The following MEIS3 variants were observed in gnomAD, a reference collection of about 807,000 sequenced individuals.
The protein encoded by MEIS3 is homeobox protein Meis3.
A neutral mutation model predicts 51.4 loss-of-function variants in MEIS3; 38 were observed. That is an observed-to-expected ratio of 0.74 (90% CI 0.57 to 0.97). MEIS3 has a LOEUF of 0.97. Among genes scored for constraint, MEIS3 ranks in the 50% least tolerant of loss-of-function variants. MEIS3 has a pLI of 0.00. For synonymous variants in MEIS3, 198 were observed against 201.8 expected, an observed-to-expected ratio of 0.98 and a Z score of 0.16; for missense variants, 456 against 502.6, an observed-to-expected ratio of 0.91 and a Z score of 0.89.
At chr19:47,420,941 C>CTCTA (rs1971693954), upstream of MEIS3, among the ~76,000 whole-genome samples, 1 of 51,814 alleles carries the variant, frequency 1.9e-5, no homozygotes, top group Admixed American at 1.6e-4. Flanking sequence ...CACACACACA[C>CTCTA]TCTCTCTCTC....
At chr19:47,407,173 A>T in intron 9 of MEIS3, 36 bp from the exon 10 acceptor site, 1 of 1,595,602 alleles carries the variant, frequency 6.3e-7, no homozygotes, top group Non-Finnish European at 8.5e-7. Context: ...GGGAATGAAA[A>T]GAGGGAGTGG....
At chr19:47,420,956 T>A (rs1309341600), upstream of MEIS3, among the ~76,000 whole-genome samples, 5 of 139,300 alleles carry the variant, frequency 3.6e-5, no homozygotes, top group South Asian at 2.4e-4. Context: ...TCTCTCTCTC[T>A]CTCTCTCTCT....
intron 1 of MEIS3, chr19:47,418,792 G>T: frequency 2.8e-6 from 1 of 360,246 alleles, no homozygotes; most frequent in Admixed American, 4.7e-5. Flanking sequence ...GCAGAAAGGA[G>T]GAGGAGAGTG....
At chr19:47,419,767 C>T (rs1285053017), upstream of MEIS3, among the ~76,000 whole-genome samples, 1 of 151,770 alleles carries the variant, frequency 6.6e-6, no homozygotes, top group Non-Finnish European at 1.5e-5. Flanking sequence ...CAGTCTCCCT[C>T]TTTCCCAGTC....
upstream of MEIS3, among the ~76,000 whole-genome samples, chr19:47,421,878 C>G (rs62130536): frequency 1.3e-4 from 19 of 151,846 alleles, no homozygotes; most frequent in Non-Finnish European, 2.2e-4. Flanking sequence ...TCCCTCCTTC[C>G]TCTCCCTCTC....
chr19:47,406,652 G>T, intron 11 of MEIS3, 126 bp from the exon 12 acceptor site: 3 of 1,003,242 alleles, frequency 3.0e-6, no homozygotes, highest in Admixed American at 2.3e-5. Flanking sequence ...TCATAAGAAG[G>T]TGCTGGCCCT....
chr19:47,420,975 T>TCCC (rs1568434398), upstream of MEIS3, among the ~76,000 whole-genome samples: 1 of 79,116 alleles, frequency 1.3e-5, no homozygotes, highest in African/African-American at 5.5e-5. Flanking sequence ...CTCTCTCTCT[T>TCCC]CCTGGCTGTC....
rs1599798152 is a variant in MEIS3 at position 47,406,458 on chromosome 19, A to G, written c.*17+2T>C. 3 of 1,612,410 alleles carry G rather than the reference A, an allele frequency of 1.9e-6. No homozygotes were observed. The highest frequency in any genetic ancestry group is 2.7e-5 in the African/African-American group (2 of 74,836). ...CAATCCCCAGCCCTTAGACCCTCAC[A>G]CCTCTCCTGCATCAGCCTCTATAGA... On this transcript the variant is annotated splice_donor_variant, in intron 12 of 12. Coordinates refer to ENST00000558555, the MANE Select transcript of MEIS3 (RefSeq NM_001301059.2). LOFTEE classifies it low-confidence loss of function (3UTR_SPLICE).
At chr19:47,416,509 G>A in intron 4 of MEIS3, 143 bp downstream of exon 4, 2 of 695,998 alleles carry the variant, frequency 2.9e-6, no homozygotes, top group East Asian at 2.8e-5. Context: ...TGTACCACAC[G>A]GCACGTGGGC....
At chr19:47,413,149 C>T (rs956665617) in intron 6 of MEIS3, among the ~76,000 whole-genome samples, 1 of 151,624 alleles carries the variant, frequency 6.6e-6, no homozygotes, top group African/African-American at 2.4e-5. Context: ...GTAATCCCAG[C>T]ACTTTGGGAG....
Position 47,407,050 on chromosome 19 carries a change from G to A in MEIS3, c.994+29C>T, listed in dbSNP as rs542392010. On this transcript the variant is annotated intron_variant, in intron 10 of 12. Transcript: ENST00000558555. ...CTTTGACGCCCTCCTAAGAACCCCAGGCTCTCCGTCCCCGCCTTCCCCCTG... is the reference window on the plus strand; with the variant it reads ...CTTTGACGCCCTCCTAAGAACCCCAAGCTCTCCGTCCCCGCCTTCCCCCTG... The A allele has an allele frequency of 2.6e-5, 42 of 1,601,272 alleles. No homozygotes were observed. In the East Asian group the frequency reaches 4.0e-4, roughly 15 times the overall value.
intron 12 of MEIS3, among the ~76,000 whole-genome samples, chr19:47,405,168 C>T (rs1486917152): frequency 6.6e-6 from 1 of 152,190 alleles, no homozygotes; most frequent in African/African-American, 2.4e-5. Flanking sequence ...CCTCAGTCTT[C>T]TTATCTATGA....
chr19:47,410,537 C>G (rs1034591040), intron 6 of MEIS3, among the ~76,000 whole-genome samples: 1 of 151,422 alleles, frequency 6.6e-6, no homozygotes, highest in Non-Finnish European at 1.5e-5. Flanking sequence ...GAGGCCCAGG[C>G]GGGTAGATCA....
chr19:47,410,470 A>G (rs1210109881), intron 6 of MEIS3, among the ~76,000 whole-genome samples: 3 of 150,486 alleles, frequency 2.0e-5, no homozygotes, highest in Non-Finnish European at 3.0e-5. Flanking sequence ...AAAAAAAAAG[A>G]AAAAGGAAAA....
chr19:47,414,505 G>A (rs918943745), intron 6 of MEIS3, among the ~76,000 whole-genome samples: 1 of 152,136 alleles, frequency 6.6e-6, no homozygotes, highest in Non-Finnish European at 1.5e-5. Context: ...ATCTGCAGCC[G>A]CTGGTGTGCG....
intron 12 of MEIS3, among the ~76,000 whole-genome samples, chr19:47,404,377 G>A (rs558666852): frequency 2.6e-4 from 40 of 152,096 alleles, no homozygotes; most frequent in Non-Finnish European, 5.3e-4. Flanking sequence ...TCCCAGGCTC[G>A]GCCTCCAGCA....
chr19:47,421,697 A>ATGTC (rs1330280089), upstream of MEIS3, among the ~76,000 whole-genome samples: 2 of 148,880 alleles, frequency 1.3e-5, no homozygotes, highest in Non-Finnish European at 3.0e-5. Flanking sequence ...CGCCTGGGCT[A>ATGTC]TGTCTGTCTG....
chr19:47,416,598 T>G lies in MEIS3; in HGVS notation c.396+54A>C. The G allele has an allele frequency of 5.0e-6, 7 of 1,388,248 alleles. No individual in the cohort carries two copies. The South Asian group carries it at 8.5e-5, about 17-fold the overall frequency. The allele number at this position is 1,388,248 out of a possible 1,614,324, so 86.0% of individuals were successfully genotyped here. ...CCCCACCAACCCCAGGGATGGGGCG[T>G]CAGGGAAGGAGACCCATTGGAGGAG... On this transcript the variant is annotated intron_variant, in intron 4 of 12. Transcript: ENST00000558555.
chr19:47,416,526 C>T, intron 4 of MEIS3, 126 bp downstream of exon 4: 1 of 777,866 alleles, frequency 1.3e-6, no homozygotes. Context: ...GGGCAACAAT[C>T]ATGACGGTTT....
Sources: gnomAD v4.1 joint callset for allele counts (sites outside exome capture counted in the v4.1 genomes callset) on GRCh38, gnomAD v4.1.1 for gene constraint, MANE v1.5 for transcripts, NCBI Gene and HGNC (gene_info 2026-07-23, HGNC 2026-07-21) for gene names.